Variants in VAMP2 observed in about 807,000 individuals in gnomAD.
VAMP2 encodes the protein vesicle-associated membrane protein 2.
For missense variants in VAMP2, 95 were observed against 151.3 expected, an observed-to-expected ratio of 0.63 and a Z score of 1.95; for synonymous variants, 67 against 57.3, an observed-to-expected ratio of 1.17 and a Z score of -0.76.
intron 4 of VAMP2, 138 bp from the exon 5 acceptor site, chr17:8,161,009 T>C (rs558432505): frequency 1.7e-5 from 12 of 689,082 alleles, no homozygotes; most frequent in Non-Finnish European, 2.4e-5. Context: ...TTGGACTCAG[T>C]TTTTCCATCT....
At position 8,160,763 on chromosome 17, in the gene VAMP2, A is replaced by C; in HGVS notation, c.*92T>G. The C allele has an allele frequency of 7.2e-7, 1 of 1,383,492 alleles. No individual in the cohort carries two copies. Among genetic ancestry groups the C allele is most frequent in the African/African-American group, 1.4e-5 (1 of 69,702 alleles). 85.7% of individuals were successfully genotyped at this position (1,383,492 alleles called of 1,614,324 possible). On this transcript the variant is annotated 3_prime_UTR_variant, in exon 5 of 5. Coordinates refer to ENST00000316509, the MANE Select transcript of VAMP2 (RefSeq NM_014232.3). Reference sequence around the variant, plus strand: ...ACACACACACACACGGATCCAGGGGAGTGGGGGCTGAAAGATATGGCTGAG... The same window carrying C: ...ACACACACACACACGGATCCAGGGGCGTGGGGGCTGAAAGATATGGCTGAG...
At chr17:8,161,867 CCT>C (rs1983323621) in intron 2 of VAMP2, 101 bp from the exon 3 acceptor site, 1 of 1,506,628 alleles carries the variant, frequency 6.6e-7, no homozygotes. Context: ...GAACATGCAC[CCT>C]GATACTGCCA....
In VAMP2 at chr17:8,160,769, G is replaced by GC. The variant is rs745913567; in HGVS notation, c.*85_*86insG. 3.9e-5 allele frequency: 58 copies of GC among 1,498,658 alleles called. No individual in the cohort carries two copies. Among genetic ancestry groups the GC allele is most frequent in the Non-Finnish European group, 5.1e-5 (56 of 1,098,320 alleles). 92.8% of individuals were successfully genotyped at this position (1,498,658 alleles called of 1,614,324 possible). ...ACACACACGGATCCAGGGGAGTGGGGGCTGAAAGATATGGCTGAGAGGTGG... is the reference window on the plus strand; with the variant it reads ...ACACACACGGATCCAGGGGAGTGGGGCGCTGAAAGATATGGCTGAGAGGTGG... On this transcript the variant is annotated 3_prime_UTR_variant, in exon 5 of 5. Coordinates refer to ENST00000316509, the MANE Select transcript of VAMP2 (RefSeq NM_014232.3).
intron 1 of VAMP2, 34 bp downstream of exon 1, chr17:8,162,844 G>A: frequency 6.6e-6 from 8 of 1,214,026 alleles, no homozygotes; most frequent in African/African-American, 1.6e-5. Flanking sequence ...CCGGCGCAGG[G>A]AAGCGCGGTG....
rs971759503 is a variant in VAMP2 at position 8,159,825 on chromosome 17, G to C, written c.*1030C>G. On this transcript the variant is annotated 3_prime_UTR_variant, in exon 5 of 5. Coordinates refer to ENST00000316509, the MANE Select transcript of VAMP2 (RefSeq NM_014232.3). ...CAACCCCCAACTCTCCTGGTGGGAGGAGGAGGTGGATCAGGCAGATGGGAG... is the reference window on the plus strand; with the variant it reads ...CAACCCCCAACTCTCCTGGTGGGAGCAGGAGGTGGATCAGGCAGATGGGAG... 6 of 152,524 alleles carry C rather than the reference G, an allele frequency of 3.9e-5. No individual in the cohort carries two copies. Among genetic ancestry groups the C allele is most frequent in the African/African-American group, 1.5e-4 (6 of 41,214 alleles). 9.4% of individuals were successfully genotyped at this position (152,524 alleles called of 1,614,324 possible).
Position 8,160,764 on chromosome 17 carries a change from G to C in VAMP2, c.*91C>G. The C allele has an allele frequency of 2.9e-6, 4 of 1,393,140 alleles. No individual in the cohort carries two copies. The highest frequency in any genetic ancestry group is 3.9e-6 in the Non-Finnish European group (4 of 1,021,418). 86.3% of individuals were successfully genotyped at this position (1,393,140 alleles called of 1,614,324 possible). A position where few individuals can be genotyped will look rare whatever the true frequency, so the allele number is the denominator to read the frequency against. On this transcript the variant is annotated 3_prime_UTR_variant, in exon 5 of 5. Transcript: ENST00000316509. Reference sequence around the variant, plus strand: ...CACACACACACACGGATCCAGGGGAGTGGGGGCTGAAAGATATGGCTGAGA... The same window carrying C: ...CACACACACACACGGATCCAGGGGACTGGGGGCTGAAAGATATGGCTGAGA...
intron 1 of VAMP2, 132 bp from the exon 2 acceptor site, chr17:8,162,501 C>G: frequency 6.5e-7 from 1 of 1,546,030 alleles, no homozygotes. Flanking sequence ...CCGATGTAAG[C>G]CCTGGTCTCG....
At chr17:8,162,082 C>T (rs934506698) in intron 2 of VAMP2, among the ~76,000 whole-genome samples, 167 bp downstream of exon 2, 9 of 152,166 alleles carry the variant, frequency 5.9e-5, no homozygotes, top group Admixed American at 2.0e-4. Context: ...ACACCCCCAG[C>T]GCCCTTCCAA....
At chr17:8,160,898 G>A in intron 4 of VAMP2, 27 bp from the exon 5 acceptor site, 2 of 1,586,280 alleles carry the variant, frequency 1.3e-6, no homozygotes, top group Non-Finnish European at 1.7e-6. Flanking sequence ...AGAAGATGAG[G>A]AAGAGGGAGA....
intron 1 of VAMP2, 189 bp from the exon 2 acceptor site, chr17:8,162,558 C>T: frequency 1.4e-6 from 2 of 1,466,868 alleles, no homozygotes; most frequent in Non-Finnish European, 9.0e-7. Flanking sequence ...GCGAGGCCCC[C>T]CCGGCCTCAG....
chr17:8,162,866 C>T lies in VAMP2; in HGVS notation c.2+12G>A, dbSNP rs112118752. ...AGGGAAGCGCGGTGAGGGTGGCGGGCGGCCGACTCACATGGCGGGGGCAGC... is the reference window on the plus strand; with the variant it reads ...AGGGAAGCGCGGTGAGGGTGGCGGGTGGCCGACTCACATGGCGGGGGCAGC... On this transcript the variant is annotated intron_variant, in intron 1 of 4. Transcript: ENST00000316509. 8.2e-7 allele frequency: 1 copy of T among 1,213,564 alleles called. No homozygotes were observed. The allele number at this position is 1,213,564 out of a possible 1,614,324, so 75.2% of individuals were successfully genotyped here.
intron 4 of VAMP2, 31 bp from the exon 5 acceptor site, chr17:8,160,902 A>T (rs1273809774): frequency 2.5e-6 from 4 of 1,581,348 alleles, no homozygotes; most frequent in East Asian, 2.2e-5. Flanking sequence ...GATGAGGAAG[A>T]GGGAGAGGGG....
At chr17:8,162,810 A>G (rs1329325661) in intron 1 of VAMP2, 68 bp downstream of exon 1, 2 of 1,215,374 alleles carry the variant, frequency 1.6e-6, no homozygotes, top group African/African-American at 3.1e-5. Context: ...GGCACTCCCG[A>G]CGGCCGGTTG....
At position 8,162,290 on chromosome 17, in the gene VAMP2, T is replaced by TG; in HGVS notation, c.81dup (p.Ser28GlnfsTer2). 1 of 1,579,856 alleles carries TG rather than the reference T, an allele frequency of 6.3e-7. No individual in the cohort carries two copies. On this transcript the variant is annotated frameshift_variant, in exon 2 of 5. Transcript: ENST00000316509. LOFTEE classifies it high-confidence loss of function. The stretch of plus-strand genomic sequence containing the variant: ...TGGGTCTGCTGCAGTCTCCTGTTAC[T>TG]GGTGAGGTTTGGAGGGGGTGCAGGG...
chr17:8,160,762 GA>G lies in VAMP2; in HGVS notation c.*92del. ...GACACACACACACACGGATCCAGGG[GA>G]GTGGGGGCTGAAAGATATGGCTGAG... On this transcript the variant is annotated 3_prime_UTR_variant, in exon 5 of 5. Transcript: ENST00000316509. 3 of 1,363,748 alleles carry G rather than the reference GA, an allele frequency of 2.2e-6. No individual in the cohort carries two copies. The highest frequency in any genetic ancestry group is 1.3e-5 in the South Asian group (1 of 74,454). 84.5% of individuals were successfully genotyped at this position (1,363,748 alleles called of 1,614,324 possible). A position where few individuals can be genotyped will look rare whatever the true frequency, so the allele number is the denominator to read the frequency against.
Position 8,161,501 on chromosome 17 carries a change from A to T in VAMP2, c.306T>A (p.Ile102=). Residue 102 remains isoleucine, a synonymous_variant, in exon 4 of 5, where the codon ATT becomes ATA. Transcript: ENST00000316509. ...NLKMMIILGV[I]CAIILIIIIV... ...TGATGATGATGAGGATGATGGCGCA[A>T]ATCACTCCCAAGATGATCATCATCT... is the stretch of plus-strand genomic sequence containing the variant. 6.2e-7 allele frequency: 1 copy of T among 1,614,146 alleles called. No homozygotes were observed. The highest frequency in any genetic ancestry group is 8.5e-7 in the Non-Finnish European group (1 of 1,180,016).
rs1388417886 is a variant in VAMP2, at chr17:8,162,238, C to A, written c.123+11G>T. On this transcript the variant is annotated intron_variant, in intron 2 of 4. Transcript: ENST00000316509. ...GTCCCTCCTACTGCTTTTGACTCCC[C>A]CCACACTCACCTCATCCACCTGGGC... 2 of 1,531,762 alleles carry A rather than the reference C, an allele frequency of 1.3e-6. No individual in the cohort carries two copies. Among genetic ancestry groups the A allele is most frequent in the Non-Finnish European group, 1.7e-6 (2 of 1,144,268 alleles). 94.9% of individuals were successfully genotyped at this position (1,531,762 alleles called of 1,614,324 possible).
rs996306417 is a variant in VAMP2, at chr17:8,162,812, G to T, written c.2+66C>A. 9 of 1,215,470 alleles carry T rather than the reference G, an allele frequency of 7.4e-6. No homozygotes were observed. In the African/African-American group the frequency reaches 1.3e-4, roughly 17 times the overall value. 75.3% of individuals were successfully genotyped at this position (1,215,470 alleles called of 1,614,324 possible). A position where few individuals can be genotyped will look rare whatever the true frequency, so the allele number is the denominator to read the frequency against. On this transcript the variant is annotated intron_variant, in intron 1 of 4. Transcript: ENST00000316509. ...AGGAGAGACCCCGGGCACTCCCGAC[G>T]GCCGGTTGCCAAGGGCGGCGGCCGG... is the stretch of plus-strand genomic sequence containing the variant.
rs1282388739 is a variant in VAMP2 at position 8,161,783 on chromosome 17, C to T, written c.124-17G>A. ...GTCCACCACCTGGGAGAAGGGCCCA[C>T]GAGGCAGGGGGGTGTGCCAAGGCCC... On this transcript the variant is annotated splice_polypyrimidine_tract_variant and intron_variant, in intron 2 of 4. Transcript: ENST00000316509. The T allele has an allele frequency of 1.2e-6, 2 of 1,609,202 alleles. No homozygotes were observed. Among genetic ancestry groups the T allele is most frequent in the African/African-American group, 1.3e-5 (1 of 74,862 alleles).
Sources: gnomAD v4.1 joint callset for allele counts (sites outside exome capture counted in the v4.1 genomes callset) on GRCh38, gnomAD v4.1.1 for gene constraint, MANE v1.5 for transcripts, NCBI Gene and HGNC (gene_info 2026-07-23, HGNC 2026-07-21) for gene names.